BEST1: variants seen among roughly 807,000 people sequenced by gnomAD.
BEST1 encodes the protein bestrophin 1, also known as bestrophin-1.
A neutral mutation model predicts 63.3 loss-of-function variants in BEST1; 58 were observed. That is an observed-to-expected ratio of 0.92 (90% CI 0.74 to 1.14). BEST1 has a LOEUF of 1.14. Ranked by LOEUF, BEST1 falls within the 50% of genes most tolerant of loss-of-function variation. The pLI, the probability that BEST1 is intolerant of heterozygous loss-of-function variation, is 0.00. For synonymous variants in BEST1, 283 were observed against 291.6 expected, an observed-to-expected ratio of 0.97 and a Z score of 0.30; for missense variants, 671 against 740.1, an observed-to-expected ratio of 0.91 and a Z score of 1.08.
chr11:61,962,666 TGTGA>T lies in BEST1; in HGVS notation c.1515_1518del (p.Ser506LeufsTer17). ...ACACCAAAGACAAAAGCTTAAAGAC[TGTGA>T]GTTCTGGGGCCAAGAAAAGTTTTGA... On this transcript the variant is annotated frameshift_variant, in exon 10 of 11. Coordinates refer to ENST00000378043, the MANE Select transcript of BEST1 (RefSeq NM_004183.4). LOFTEE classifies it high-confidence loss of function. 2.5e-6 allele frequency: 4 copies of T among 1,614,072 alleles called. No individual in the cohort carries two copies. Among genetic ancestry groups the T allele is most frequent in the Non-Finnish European group, 3.4e-6 (4 of 1,179,964 alleles).
intron 2 of BEST1, among the ~76,000 whole-genome samples, chr11:61,953,336 G>C (rs1288578971): frequency 6.6e-6 from 1 of 152,178 alleles, no homozygotes; most frequent in Admixed American, 6.5e-5. Context: ...AGCACTTTGG[G>C]AGGCCAAGGC....
intron 2 of BEST1, chr11:61,954,690 TG>T: frequency 1.6e-6 from 1 of 632,902 alleles, no homozygotes; most frequent in Non-Finnish European, 2.0e-6. Context: ...CTTGAACTCT[TG>T]GTCCTGCCTT....
chr11:61,958,917 CA>C, intron 7 of BEST1: 1 of 54,628 alleles, frequency 1.8e-5, no homozygotes. Flanking sequence ...TACACACACA[CA>C]CACACGCATT....
intron 2 of BEST1, among the ~76,000 whole-genome samples, chr11:61,952,931 G>A (rs973513044): frequency 5.9e-5 from 9 of 151,588 alleles, no homozygotes; most frequent in Admixed American, 1.3e-4. Flanking sequence ...GTGAGACCCC[G>A]TCTCTACCAA....
At chr11:61,953,065 T>C (rs76675711) in intron 2 of BEST1, among the ~76,000 whole-genome samples, 6,845 of 152,210 alleles carry the variant, frequency 0.045, 498 homozygotes, top group South Asian at 0.36. Flanking sequence ...ATCACACCAC[T>C]GCACTTCAGC....
chr11:61,965,492 A>G (rs1214445200), downstream of BEST1: 3 of 1,603,326 alleles, frequency 1.9e-6, no homozygotes, highest in African/African-American at 2.7e-5. Flanking sequence ...TCAAAGCCAC[A>G]TCATCGCGGT....
intron 10 of BEST1, chr11:61,963,146 A>G: frequency 6.9e-7 from 1 of 1,455,666 alleles, no homozygotes; most frequent in Non-Finnish European, 9.1e-7. Context: ...GTGAAGGAAG[A>G]TGAGGTTGTG....
At chr11:61,957,030 G>T in intron 5 of BEST1, 32 bp downstream of exon 5, 1 of 1,613,798 alleles carries the variant, frequency 6.2e-7, no homozygotes, top group Middle Eastern at 1.7e-4. Context: ...GGCTGCCGCA[G>T]AGTGGGAAGG....
At position 61,960,047 on chromosome 11, in the gene BEST1, T is replaced by C; in HGVS notation, c.1100+4T>C. ...TGGGCTCCACCTTCAACATCAGGTG[T>C]GGCCAGAGCCAGGGGGCTGGGTGGG... is the stretch of plus-strand genomic sequence containing the variant. On this transcript the variant is annotated splice_donor_region_variant and intron_variant, in intron 9 of 10. Transcript: ENST00000378043. 6.2e-7 allele frequency: 1 copy of C among 1,606,812 alleles called. No individual in the cohort carries two copies. The highest frequency in any genetic ancestry group is 1.7e-5 in the Admixed American group (1 of 59,472).
chr11:61,963,372 T>A, intron 10 of BEST1: 3 of 1,262,350 alleles, frequency 2.4e-6, no homozygotes, highest in Non-Finnish European at 2.0e-6. Flanking sequence ...GCCTCACTCC[T>A]AGGAACTGGT....
chr11:61,960,289 A>C (rs755035920), intron 9 of BEST1: 20 of 589,998 alleles, frequency 3.4e-5, no homozygotes, highest in East Asian at 1.2e-4. Flanking sequence ...TAGCTACCAA[A>C]TGGTGCATTT....
chr11:61,955,894 A>T lies in BEST1; in HGVS notation c.424A>T (p.Ser142Cys). 1.3e-6 allele frequency: 2 copies of T among 1,550,518 alleles called. No individual in the cohort carries two copies. Among genetic ancestry groups the T allele is most frequent in the Non-Finnish European group, 1.7e-6 (2 of 1,146,928 alleles). ...CCTGGGCAACGTGCTCATCCTGCGC[A>T]GCGTCAGCACCGCAGTCTACAAGCG... ...ANLGNVLILRSVSTAVYKRFP... is the reference protein window; with the variant it reads ...ANLGNVLILRCVSTAVYKRFP... Residue 142 changes from serine to cysteine, a missense_variant, in exon 4 of 11, where the codon AGC becomes TGC. Transcript: ENST00000378043.
chr11:61,953,181 A>T (rs763456038), intron 2 of BEST1, among the ~76,000 whole-genome samples: 26 of 152,242 alleles, frequency 1.7e-4, no homozygotes, highest in Non-Finnish European at 2.8e-4. Context: ...AGCATTAATG[A>T]TTACATGGAT....
rs770903527 is a variant in BEST1 at position 61,958,248 on chromosome 11, G to A, written c.817G>A (p.Val273Met). 4.3e-6 allele frequency: 7 copies of A among 1,614,216 alleles called. No homozygotes were observed. Among genetic ancestry groups the A allele is most frequent in the Non-Finnish European group, 5.9e-6 (7 of 1,180,036 alleles). ...CCCTGGCCATGAGCTGGACCTCGTT[G>A]TGCCCGTCTTCACGTTCCTGCAGTT... is the stretch of plus-strand genomic sequence containing the variant. ...AYPGHELDLV[V>M]PVFTFLQFFF... The change falls in exon 7 of 11, where the codon GTG (valine) becomes ATG (methionine). Residue 273 changes from valine to methionine, a missense_variant. Transcript: ENST00000378043.
At chr11:61,950,240 G>A (rs1326509769), upstream of BEST1, 2 of 152,774 alleles carry the variant, frequency 1.3e-5, no homozygotes, top group African/African-American at 2.4e-5. Context: ...TACAAGAAGG[G>A]ACTAAGACAA....
intron 6 of BEST1, 46 bp from the exon 7 acceptor site, chr11:61,958,100 G>T: frequency 6.2e-7 from 1 of 1,609,686 alleles, no homozygotes; most frequent in Non-Finnish European, 8.5e-7. Context: ...CTGATTTCAG[G>T]GTTCCCACCT....
In BEST1 at chr11:61,957,391, T is replaced by A; in HGVS notation, c.641T>A (p.Met214Lys). ...PILLQSLLNE[M>K]NTLRTQCGHL... ...TCCCCCTCTTCTGCCCCCCAGGAGA[T>A]GAACACCTTGCGTACTCAGTGTGGA... The change falls in exon 6 of 11, where the codon ATG (methionine) becomes AAG (lysine). Residue 214 changes from methionine (M) to lysine (K), a missense_variant. Transcript: ENST00000378043. 6.3e-7 allele frequency: 1 copy of A among 1,586,918 alleles called. No homozygotes were observed. The highest frequency in any genetic ancestry group is 8.7e-7 in the Non-Finnish European group (1 of 1,155,852).
intron 2 of BEST1, among the ~76,000 whole-genome samples, chr11:61,953,615 C>T (rs978363393): frequency 3.3e-5 from 5 of 152,170 alleles, no homozygotes; most frequent in African/African-American, 7.2e-5. Flanking sequence ...GAGGATGAGG[C>T]CGGAGAATCG....
rs776730181 is a variant in BEST1, at chr11:61,962,563, C to T, written c.1409C>T (p.Thr470Met). 1.6e-5 allele frequency: 26 copies of T among 1,614,050 alleles called. No homozygotes were observed. The highest frequency in any genetic ancestry group is 1.6e-4 in the Middle Eastern group (1 of 6,084). The change falls in exon 10 of 11, where the codon ACG becomes ATG. Residue 470 changes from threonine (T) to methionine (M), a missense_variant. Thr to Met is a moderately conservative substitution (Grantham distance 81, BLOSUM62 -1). Transcript: ENST00000378043. ...CCAGGCTACTACAGTGCCCCACAGA[C>T]GCCCCTCAGCCCCACTCCCATGTTC... is the stretch of plus-strand genomic sequence containing the variant. Reference protein sequence around the residue: ...QRPGYYSAPQTPLSPTPMFFP... With the variant: ...QRPGYYSAPQMPLSPTPMFFP...
Sources: gnomAD v4.1 joint callset for allele counts (sites outside exome capture counted in the v4.1 genomes callset) on GRCh38, gnomAD v4.1.1 for gene constraint, MANE v1.5 for transcripts, NCBI Gene and HGNC (gene_info 2026-07-23, HGNC 2026-07-21) for gene names.